RPS6KA1: variants seen among roughly 807,000 people sequenced by gnomAD.
RPS6KA1 encodes ribosomal protein S6 kinase alpha-1.
A neutral mutation model predicts 91.3 loss-of-function variants in RPS6KA1; 48 were observed. The ratio of observed to expected loss-of-function variants is 0.53; its 90% confidence interval spans 0.42 to 0.67. RPS6KA1 has a LOEUF of 0.67. Ranked by LOEUF, RPS6KA1 falls within the 30% of genes least tolerant of loss-of-function variation. The pLI, the probability that RPS6KA1 is intolerant of heterozygous loss-of-function variation, is 0.00. For synonymous variants in RPS6KA1, 359 were observed against 384.7 expected (o/e 0.93, Z 0.78); for missense variants, 719 against 960.5 (o/e 0.75, Z 3.32).
chr1:26,559,689 G>A (rs2076137659), intron 14 of RPS6KA1, among the ~76,000 whole-genome samples: 1 of 152,048 alleles, frequency 6.6e-6, no homozygotes, highest in Non-Finnish European at 1.5e-5. Flanking sequence ...ATGGACTTTG[G>A]ATGAGATACT....
At chr1:26,560,468 C>G (rs10458602) in intron 14 of RPS6KA1, among the ~76,000 whole-genome samples, 16,832 of 152,294 alleles carry the variant, frequency 0.11, 1,203 homozygotes, top group Non-Finnish European at 0.16. Flanking sequence ...CCCTGTTTCC[C>G]ACTCCCTACA....
At chr1:26,565,776 G>A (rs2076196021) in intron 17 of RPS6KA1, among the ~76,000 whole-genome samples, 1 of 151,952 alleles carries the variant, frequency 6.6e-6, no homozygotes, top group Non-Finnish European at 1.5e-5. Context: ...TGGCCAGGCT[G>A]GTCTCGACCT....
chr1:26,534,308 G>C (rs1198643872), intron 1 of RPS6KA1, among the ~76,000 whole-genome samples: 2 of 152,162 alleles, frequency 1.3e-5, no homozygotes, highest in Non-Finnish European at 2.9e-5. Flanking sequence ...CTGGACTCTG[G>C]CTGGGTGCCA....
Position 26,554,344 on chromosome 1 carries a change from C to A in RPS6KA1, c.613+93C>A. The A allele has an allele frequency of 7.4e-7, 1 of 1,356,620 alleles. No individual in the cohort carries two copies. The highest frequency in any genetic ancestry group is 1.0e-6 in the Non-Finnish European group (1 of 987,644). 84.0% of individuals were successfully genotyped at this position (1,356,620 alleles called of 1,614,324 possible). Reference sequence around the variant, plus strand: ...CTGAGTGCTGGGGGCTCATTCTTCCCGAGAAGCCGTGCCAGTTACTTGGAA... The same window carrying A: ...CTGAGTGCTGGGGGCTCATTCTTCCAGAGAAGCCGTGCCAGTTACTTGGAA... On this transcript the variant is annotated intron_variant, in intron 8 of 21. Transcript: ENST00000374168. This position sits in a 1 kb window ranked among gnomAD's most constrained non-coding sequence, Gnocchi z 4.6.
intron 17 of RPS6KA1, among the ~76,000 whole-genome samples, chr1:26,566,110 T>A (rs1018872792): frequency 1.3e-5 from 2 of 152,080 alleles, no homozygotes; most frequent in African/African-American, 2.4e-5. Flanking sequence ...GGTCAGAGTG[T>A]TTGTGTGTTC....
At chr1:26,556,463 C>G (rs2076102437) in intron 11 of RPS6KA1, among the ~76,000 whole-genome samples, 191 bp from the exon 12 acceptor site, 1 of 152,136 alleles carries the variant, frequency 6.6e-6, no homozygotes, top group African/African-American at 2.4e-5. Context: ...ATCAGAAGCT[C>G]CAGAAAGTGG....
chr1:26,534,646 A>G (rs2075893483), intron 1 of RPS6KA1, among the ~76,000 whole-genome samples: 1 of 152,172 alleles, frequency 6.6e-6, no homozygotes, highest in African/African-American at 2.4e-5. Flanking sequence ...GTATATATTT[A>G]TAGGCATTAT....
chr1:26,568,475 G>A (rs1465148211), intron 17 of RPS6KA1, among the ~76,000 whole-genome samples: 1 of 152,166 alleles, frequency 6.6e-6, no homozygotes, highest in African/African-American at 2.4e-5. Flanking sequence ...TGAGCCGGGC[G>A]TGGTGGCTCA....
intron 14 of RPS6KA1, among the ~76,000 whole-genome samples, chr1:26,559,623 G>A (rs12033185): frequency 0.11 from 16,460 of 149,614 alleles, 1,175 homozygotes; most frequent in Non-Finnish European, 0.16. Flanking sequence ...CAAGTGATCC[G>A]CCCACCTCAG....
chr1:26,553,326 T>C, intron 6 of RPS6KA1, 65 bp from the exon 7 acceptor site: 1 of 1,140,506 alleles, frequency 8.8e-7, no homozygotes, highest in South Asian at 1.3e-5. Flanking sequence ...AGCTGCTGAC[T>C]GCCCAGTGCC....
chr1:26,541,009 C>T (rs973562241), intron 2 of RPS6KA1, among the ~76,000 whole-genome samples: 10 of 152,022 alleles, frequency 6.6e-5, no homozygotes, highest in African/African-American at 4.8e-5. Context: ...AGGCTGGTCT[C>T]GAACTCCCGA....
intron 4 of RPS6KA1, among the ~76,000 whole-genome samples, chr1:26,549,426 G>C (rs1367691676): frequency 1.3e-5 from 2 of 151,736 alleles, no homozygotes; most frequent in Non-Finnish European, 2.9e-5. Flanking sequence ...CAAAAAAAAT[G>C]AGCCAGGTTT....
intron 4 of RPS6KA1, among the ~76,000 whole-genome samples, chr1:26,549,787 C>T (rs561921120): frequency 6.7e-5 from 10 of 149,936 alleles, no homozygotes; most frequent in Non-Finnish European, 1.0e-4. Context: ...CTGCAACCTC[C>T]GCTCCGCAGG....
intron 2 of RPS6KA1, chr1:26,546,108 C>G: frequency 1.3e-6 from 2 of 1,543,530 alleles, no homozygotes; most frequent in South Asian, 1.2e-5. Flanking sequence ...GCCAGCTTAA[C>G]ATAAGCTGGC....
intron 17 of RPS6KA1, among the ~76,000 whole-genome samples, chr1:26,570,108 A>C (rs2076237080): frequency 6.6e-6 from 1 of 152,114 alleles, no homozygotes; most frequent in African/African-American, 2.4e-5. Context: ...TGGATTTATG[A>C]GCCAAGACTC....
Position 26,574,749 on chromosome 1 carries a change from C to A in RPS6KA1, c.*548C>A. On this transcript the variant is annotated 3_prime_UTR_variant, in exon 22 of 22. Transcript: ENST00000374168. The surrounding 1 kb of genome is among the most constrained non-coding windows in gnomAD (Gnocchi z 4.3). ...CTGGGAGTTCTAGAACCACTTCCTG[C>A]TACAGGAGGGGTCTCATGTCCTGCT... 2.5e-5 allele frequency: 7 copies of A among 285,636 alleles called. No homozygotes were observed. Among genetic ancestry groups the A allele is most frequent in the Admixed American group, 9.7e-5 (2 of 20,582 alleles). 17.7% of individuals were successfully genotyped at this position (285,636 alleles called of 1,614,324 possible).
chr1:26,574,576 G>T lies in RPS6KA1; in HGVS notation c.*375G>T. 2.4e-6 allele frequency: 1 copy of T among 412,828 alleles called. No individual in the cohort carries two copies. The highest frequency in any genetic ancestry group is 1.8e-5 in the South Asian group (1 of 54,444). 25.6% of individuals were successfully genotyped at this position (412,828 alleles called of 1,614,324 possible). On this transcript the variant is annotated 3_prime_UTR_variant, in exon 22 of 22. Coordinates refer to ENST00000374168, the MANE Select transcript of RPS6KA1 (RefSeq NM_002953.4). The surrounding 1 kb of genome is among the most constrained non-coding windows in gnomAD (Gnocchi z 4.3). ...TCTGAGACTCTTTAGAGCAGCTTTG[G>T]GATCCCACCCTGGGGACCCCCACGA...
At chr1:26,545,256 G>A (rs769149683) in intron 2 of RPS6KA1, among the ~76,000 whole-genome samples, 4 of 150,266 alleles carry the variant, frequency 2.7e-5, no homozygotes, top group East Asian at 2.0e-4. Flanking sequence ...TGCAAGCTCC[G>A]CCTTCCAGGT....
chr1:26,556,593 G>T, intron 11 of RPS6KA1, 61 bp from the exon 12 acceptor site: 1 of 1,569,200 alleles, frequency 6.4e-7, no homozygotes, highest in East Asian at 2.2e-5. Context: ...TGCTTGGTGG[G>T]CAGGGTAATA....
Sources: gnomAD v4.1 joint callset for allele counts (sites outside exome capture counted in the v4.1 genomes callset) on GRCh38, gnomAD v4.1.1 for gene constraint, Gnocchi (gnomAD v3.1) non-coding constraint, MANE v1.5 for transcripts, NCBI Gene and HGNC (gene_info 2026-07-23, HGNC 2026-07-21) for gene names.